CADPS: variants seen among roughly 807,000 people sequenced by gnomAD.
CADPS encodes calcium-dependent secretion activator 1.
Under a neutral mutation model 167.3 loss-of-function variants are expected in CADPS, and 57 were observed. The ratio of observed to expected loss-of-function variants is 0.34; its 90% CI spans 0.28 to 0.42. The LOEUF (loss-of-function observed/expected upper bound fraction) is 0.42, where lower values mean the gene tolerates loss of function less well. Among genes scored for constraint, CADPS ranks in the 20% least tolerant of loss-of-function variants. The probability of loss-of-function intolerance (pLI) is 1.00; values close to 1 mark genes in which losing one functional copy is unlikely to be tolerated. For synonymous variants in CADPS, 676 were observed against 635.3 expected (o/e 1.06, Z -0.96); for missense variants, 1,414 against 1,738.1 (o/e 0.81, Z 3.32).
At chr3:62,440,082 A>C (rs1031756223) in intron 27 of CADPS, 2 of 152,186 alleles carry the variant, frequency 1.3e-5, no homozygotes, top group African/African-American at 4.8e-5. Context: ...ACTAGAACAT[A>C]AGCTCCATGA....
chr3:62,610,502 C>T (rs560802537), intron 6 of CADPS, among the ~76,000 whole-genome samples: 4 of 152,272 alleles, frequency 2.6e-5, no homozygotes, highest in African/African-American at 4.8e-5. Context: ...CCACCCACCT[C>T]GGCCTCCCAA....
chr3:62,552,233 T>C (rs1469631498), intron 10 of CADPS, among the ~76,000 whole-genome samples: 1 of 46,794 alleles, frequency 2.1e-5, no homozygotes, highest in Non-Finnish European at 3.9e-5. Context: ...TGTTGTGGGG[T>C]GGGGGGAGGG....
chr3:62,841,019 A>C (rs1399095755), intron 1 of CADPS, among the ~76,000 whole-genome samples: 2 of 152,192 alleles, frequency 1.3e-5, no homozygotes, highest in African/African-American at 4.8e-5. Flanking sequence ...ATTCATCTAA[A>C]AGTCCATTTT....
intron 1 of CADPS, among the ~76,000 whole-genome samples, chr3:62,792,490 C>T (rs921651157): frequency 1.3e-5 from 2 of 152,042 alleles, no homozygotes; most frequent in Non-Finnish European, 2.9e-5. Flanking sequence ...AGATATGAGC[C>T]ATTGTGCCCA....
intron 3 of CADPS, among the ~76,000 whole-genome samples, chr3:62,698,435 T>C (rs529155714): frequency 6.6e-6 from 1 of 152,072 alleles, no homozygotes; most frequent in Admixed American, 6.5e-5. Flanking sequence ...TACGATGTTT[T>C]GTGTAGGCAA....
At chr3:62,650,793 G>A (rs536996794) in intron 5 of CADPS, 54 bp downstream of exon 5, 58 of 1,313,982 alleles carry the variant, frequency 4.4e-5, no homozygotes, top group Middle Eastern at 2.0e-4. Context: ...GCATCTAATC[G>A]CCCATGTCCT....
chr3:62,649,673 A>T (rs888127271), intron 5 of CADPS, among the ~76,000 whole-genome samples: 1 of 143,352 alleles, frequency 7.0e-6, no homozygotes, highest in African/African-American at 2.6e-5. Flanking sequence ...TGATCCTCCC[A>T]CCTCAGCCTC....
intron 6 of CADPS, among the ~76,000 whole-genome samples, chr3:62,599,500 T>A (rs901176716): frequency 1.9e-5 from 2 of 104,022 alleles, no homozygotes; most frequent in East Asian, 2.5e-4. Flanking sequence ...TATATATATT[T>A]TATATATATT....
At chr3:62,504,229 ACT>A (rs1389348333) in intron 17 of CADPS, among the ~76,000 whole-genome samples, 1 of 152,150 alleles carries the variant, frequency 6.6e-6, no homozygotes, top group Non-Finnish European at 1.5e-5. Context: ...AATTTGGAAG[ACT>A]CAGTTTTAAA....
At chr3:62,738,751 T>A (rs998977166) in intron 3 of CADPS, among the ~76,000 whole-genome samples, 13 of 152,086 alleles carry the variant, frequency 8.5e-5, no homozygotes, top group East Asian at 5.8e-4. Flanking sequence ...AATAAAATTT[T>A]AAAAAATGAT....
chr3:62,530,725 A>G, intron 13 of CADPS: 2 of 1,288,774 alleles, frequency 1.6e-6, no homozygotes, highest in African/African-American at 3.0e-5. Flanking sequence ...TATCTTTTTT[A>G]GCTTCTGGTT....
At chr3:62,599,854 T>TATATAATATATAATAATATATA (rs1232413479) in intron 6 of CADPS, among the ~76,000 whole-genome samples, 1 of 3,038 alleles carries the variant, frequency 3.3e-4, no homozygotes, top group East Asian at 0.071. Flanking sequence ...ATATATATAA[T>TATATAATATATAATAATATATA]ATATATAATA....
rs61464725 is a variant in CADPS, at chr3:62,842,775, C to T, written c.441+31814G>A. On this transcript the variant is annotated intron_variant, in intron 1 of 29. Coordinates refer to ENST00000383710, the MANE Select transcript of CADPS (RefSeq NM_003716.4). ...TGACCCATGCCCTCTGATTAGAATG[C>T]ACTGCCCCTATCTCACTCTCTAGAC... 1.6e-3 allele frequency among the ~76,000 whole-genome samples: 240 copies of T among 152,296 alleles called. 2 individuals are homozygous for T. Among genetic ancestry groups the T allele is most frequent in the Middle Eastern group, 0.01 (3 of 294 alleles).
At chr3:62,737,149 AAAAC>A (rs1194123210) in intron 3 of CADPS, among the ~76,000 whole-genome samples, 4 of 152,028 alleles carry the variant, frequency 2.6e-5, no homozygotes, top group Non-Finnish European at 5.9e-5. Context: ...AAAAATAAAC[AAAAC>A]AAACAAACAC....
intron 3 of CADPS, among the ~76,000 whole-genome samples, chr3:62,726,848 C>G (rs1275578765): frequency 6.6e-6 from 1 of 151,820 alleles, no homozygotes; most frequent in African/African-American, 2.4e-5. Flanking sequence ...CAAGTTCTTG[C>G]TCTATTCAAG....
At chr3:62,473,798 T>C (rs2060911369) in intron 24 of CADPS, 1 of 160,098 alleles carries the variant, frequency 6.2e-6, no homozygotes, top group African/African-American at 2.4e-5. Context: ...AAGGCCTCTC[T>C]TGCTGTCCAG....
intron 11 of CADPS, among the ~76,000 whole-genome samples, chr3:62,541,747 C>T (rs2075736323): frequency 6.6e-6 from 1 of 152,056 alleles, no homozygotes; most frequent in African/African-American, 2.4e-5. Context: ...CTATGTTGTT[C>T]TTTGATCATG....
chr3:62,872,824 G>A (rs138122224), intron 1 of CADPS, among the ~76,000 whole-genome samples: 72 of 152,144 alleles, frequency 4.7e-4, no homozygotes, highest in Non-Finnish European at 9.9e-4. Context: ...CACCCCTTTC[G>A]ACCTAACACT....
intron 24 of CADPS, among the ~76,000 whole-genome samples, chr3:62,473,004 T>TA (rs2060809840): frequency 6.6e-6 from 1 of 152,202 alleles, no homozygotes; most frequent in African/African-American, 2.4e-5. Flanking sequence ...CAGACCTATC[T>TA]GAAATTCTTG....
Sources: gnomAD v4.1 joint callset for allele counts (sites outside exome capture counted in the v4.1 genomes callset) on GRCh38, gnomAD v4.1.1 for gene constraint, MANE v1.5 for transcripts, NCBI Gene and HGNC (gene_info 2026-07-23, HGNC 2026-07-21) for gene names.